PTCHD4: variants seen among roughly 807,000 people sequenced by gnomAD.
The protein encoded by PTCHD4 is patched domain-containing protein 4.
A neutral mutation model predicts 58.1 loss-of-function variants in PTCHD4; 33 were observed. The observed-to-expected ratio is 0.57, with a 90% CI of 0.43 to 0.76. PTCHD4 has a LOEUF of 0.76. Among genes scored for constraint, PTCHD4 ranks in the 30% least tolerant of loss-of-function variants. The pLI is 0.00. For synonymous variants in PTCHD4, 478 were observed against 409.6 expected, an observed-to-expected ratio of 1.17 and a Z score of -2.02; for missense variants, 1,058 against 1,027.1, an observed-to-expected ratio of 1.03 and a Z score of -0.41.
At chr6:47,960,799 A>G (rs1767055422) in intron 4 of PTCHD4, among the ~76,000 whole-genome samples, 1 of 151,982 alleles carries the variant, frequency 6.6e-6, no homozygotes, top group South Asian at 2.1e-4. Flanking sequence ...TATATGAAAG[A>G]AAAAAAGAAC....
chr6:48,070,204 A>G (rs1449048721), intron 1 of PTCHD4, among the ~76,000 whole-genome samples: 2 of 151,638 alleles, frequency 1.3e-5, no homozygotes, highest in Admixed American at 1.3e-4. Context: ...TGTGATTGTG[A>G]ACTGGAGATT....
At chr6:47,893,667 A>G (rs971412980) in intron 4 of PTCHD4, among the ~76,000 whole-genome samples, 3 of 152,238 alleles carry the variant, frequency 2.0e-5, no homozygotes, top group Non-Finnish European at 4.4e-5. Flanking sequence ...AATGAAACAC[A>G]GATACATGAG....
chr6:47,968,892 C>T (rs947143444), intron 4 of PTCHD4, among the ~76,000 whole-genome samples: 2 of 152,078 alleles, frequency 1.3e-5, no homozygotes, highest in African/African-American at 4.8e-5. Context: ...ATGGGCTGTA[C>T]ATTATTCACT....
chr6:47,948,833 A>G (rs999155648), intron 4 of PTCHD4, among the ~76,000 whole-genome samples: 7 of 152,086 alleles, frequency 4.6e-5, no homozygotes, highest in Admixed American at 6.6e-5. Flanking sequence ...CTAGAACTTT[A>G]TATTTATACA....
intron 1 of PTCHD4, among the ~76,000 whole-genome samples, chr6:48,087,493 T>A (rs1172946672): frequency 1.3e-5 from 2 of 152,208 alleles, no homozygotes; most frequent in Admixed American, 6.5e-5. Context: ...TATACTAATT[T>A]ACATTCATGG....
rs781124273 is a variant in PTCHD4, at chr6:48,008,987, G to A, written c.545C>T (p.Ala182Val). 1 of 1,613,934 alleles carries A rather than the reference G, an allele frequency of 6.2e-7. No homozygotes were observed. Among genetic ancestry groups the A allele is most frequent in the South Asian group, 1.1e-5 (1 of 91,078 alleles). The part of the protein sequence containing the change: ...ITYYLQTYGS[A>V]TQDLIGEKWE... ...CTTCTCCCCTATGAGGTCTTGGGTG[G>A]CAGAGCCATAGGTCTGGAGGTAGTA... is the stretch of plus-strand genomic sequence containing the variant. The change falls in exon 4 of 5, where the codon GCC becomes GTC. Residue 182 changes from alanine to valine, a missense_variant. Coordinates refer to ENST00000339488, the MANE Select transcript of PTCHD4 (RefSeq NM_001384253.1).
intron 4 of PTCHD4, among the ~76,000 whole-genome samples, chr6:48,005,185 G>A (rs1354504392): frequency 1.3e-5 from 2 of 152,144 alleles, no homozygotes; most frequent in Non-Finnish European, 1.5e-5. Flanking sequence ...AGAACAAGGA[G>A]ATGCAGTACA....
intron 4 of PTCHD4, among the ~76,000 whole-genome samples, chr6:47,996,337 T>C (rs1428336424): frequency 2.6e-5 from 4 of 152,080 alleles, no homozygotes; most frequent in African/African-American, 9.7e-5. Flanking sequence ...TAGCCGGGTG[T>C]GGTGTTGCAT....
At chr6:47,952,218 T>G (rs1157676834) in intron 4 of PTCHD4, among the ~76,000 whole-genome samples, 1 of 152,160 alleles carries the variant, frequency 6.6e-6, no homozygotes, top group Non-Finnish European at 1.5e-5. Flanking sequence ...TCTATTTTAA[T>G]GTAAGCTTTT....
chr6:47,878,538 C>A lies in PTCHD4; in HGVS notation c.2297G>T (p.Gly766Val). Residue 766 changes from glycine (G) to valine (V), a missense_variant, in exon 5 of 5, where the codon GGG becomes GTG. Coordinates refer to ENST00000339488, the MANE Select transcript of PTCHD4 (RefSeq NM_001384253.1). ...ILQNVTSFLI[G>V]LVPLLFVPSN... is the part of the protein sequence containing the mutation. ...AGGCACAAATAGAAGGGGGACTAACCCAATAAGAAAAGAAGTAACATTTTG... is the reference window on the plus strand; with the variant it reads ...AGGCACAAATAGAAGGGGGACTAACACAATAAGAAAAGAAGTAACATTTTG... 1 of 1,613,304 alleles carries A rather than the reference C, an allele frequency of 6.2e-7. No individual in the cohort carries two copies. The highest frequency in any genetic ancestry group is 8.5e-7 in the Non-Finnish European group (1 of 1,179,672).
At chr6:47,896,635 G>T (rs1581843077) in intron 4 of PTCHD4, among the ~76,000 whole-genome samples, 1 of 152,242 alleles carries the variant, frequency 6.6e-6, no homozygotes, top group East Asian at 1.9e-4. Context: ...ATTTCTTTGG[G>T]TGAATGAGTT....
At chr6:47,885,707 A>T (rs1398589399) in intron 4 of PTCHD4, among the ~76,000 whole-genome samples, 2 of 152,208 alleles carry the variant, frequency 1.3e-5, no homozygotes, top group Non-Finnish European at 2.9e-5. Context: ...TTCCTTTAAG[A>T]ACATTTTTTC....
At chr6:48,092,731 T>C (rs1765392067) in intron 1 of PTCHD4, among the ~76,000 whole-genome samples, 1 of 152,154 alleles carries the variant, frequency 6.6e-6, no homozygotes, top group Non-Finnish European at 1.5e-5. Flanking sequence ...TAAAACGTCA[T>C]GGGGAATACA....
Position 47,856,702 on chromosome 6 carries a change from C to G in PTCHD4, c.*21601G>C, listed in dbSNP as rs1763318086. ...CTTTGACAAAACTTTAATTAGAAAACCAGACTCCTCTGATTATAAAAATTA... is the reference window on the plus strand; with the variant it reads ...CTTTGACAAAACTTTAATTAGAAAAGCAGACTCCTCTGATTATAAAAATTA... On this transcript the variant is annotated 3_prime_UTR_variant, in exon 5 of 5. Coordinates refer to ENST00000339488, the MANE Select transcript of PTCHD4 (RefSeq NM_001384253.1). Among the ~76,000 whole-genome samples the G allele has an allele frequency of 6.6e-6, 1 of 151,938 alleles. No homozygotes were observed.
chr6:48,066,910 A>G (rs1013384977), intron 3 of PTCHD4, among the ~76,000 whole-genome samples: 13 of 152,070 alleles, frequency 8.5e-5, no homozygotes, highest in African/African-American at 3.1e-4. Flanking sequence ...AAAACTCCTG[A>G]AAAAGGTTTT....
chr6:48,048,850 T>C (rs1764130332), intron 3 of PTCHD4, among the ~76,000 whole-genome samples: 1 of 151,972 alleles, frequency 6.6e-6, no homozygotes, highest in Admixed American at 6.6e-5. Context: ...GGAGAATATA[T>C]TTTAGTGAGT....
chr6:47,988,433 A>T (rs944898795), intron 4 of PTCHD4, among the ~76,000 whole-genome samples: 1 of 152,204 alleles, frequency 6.6e-6, no homozygotes, highest in Non-Finnish European at 1.5e-5. Context: ...GACAAACAGC[A>T]GTAGAGCCAC....
At chr6:47,892,131 G>A (rs996844553) in intron 4 of PTCHD4, among the ~76,000 whole-genome samples, 2 of 152,154 alleles carry the variant, frequency 1.3e-5, no homozygotes, top group Non-Finnish European at 2.9e-5. Flanking sequence ...GAGGAGGGAG[G>A]AGGAGCCATG....
intron 4 of PTCHD4, among the ~76,000 whole-genome samples, chr6:47,884,885 G>A (rs558610252): frequency 6.6e-6 from 1 of 152,166 alleles, no homozygotes; most frequent in Non-Finnish European, 1.5e-5. Flanking sequence ...GGGATAACAT[G>A]AATAGAGACA....
Sources: allele counts gnomAD v4.1 joint callset (sites outside exome capture counted in the v4.1 genomes callset), GRCh38; gene constraint gnomAD v4.1.1; transcripts MANE v1.5; gene names NCBI Gene and HGNC (gene_info 2026-07-23, HGNC 2026-07-21).